The following SOD2 variants were observed in gnomAD, a reference collection of about 807,000 sequenced individuals.
The protein encoded by SOD2 is superoxide dismutase [Mn], mitochondrial.
In SOD2, 11 loss-of-function variants were observed where a neutral mutation model predicts 27.0. That is an observed-to-expected ratio of 0.41 (90% confidence interval 0.26 to 0.67). The LOEUF is 0.67. Ranked by LOEUF, SOD2 falls within the 30% of genes least tolerant of loss-of-function variation. The pLI is 0.34. For synonymous variants in SOD2, 105 were observed against 103.0 expected (o/e 1.02, Z -0.12); for missense variants, 250 against 274.5 (o/e 0.91, Z 0.63).
At chr6:159,710,763 C>G (rs894514359) in intron 1 of SOD2, among the ~76,000 whole-genome samples, 4 of 141,914 alleles carry the variant, frequency 2.8e-5, no homozygotes, top group Non-Finnish European at 4.7e-5. Context: ...TCATACTGCT[C>G]TGACCTCCAT....
intron 3 of SOD2, 39 bp downstream of exon 3, chr6:159,688,087 G>A (rs1780275577): frequency 9.2e-7 from 1 of 1,087,790 alleles, no homozygotes; most frequent in Non-Finnish European, 1.4e-6. Flanking sequence ...TTCCTACTGT[G>A]CACAAAATGT....
intron 1 of SOD2, among the ~76,000 whole-genome samples, chr6:159,715,668 G>A (rs1777911164): frequency 6.6e-6 from 1 of 152,204 alleles, no homozygotes; most frequent in Non-Finnish European, 1.5e-5. Flanking sequence ...GGGAGGTCAA[G>A]GTGGGAGAAT....
At chr6:159,727,245 C>A (rs565403905) in exon 1 of SOD2, 247 of 1,281,922 alleles carry the variant, frequency 1.9e-4, no homozygotes, top group Non-Finnish European at 2.5e-4. Context: ...CGGGCTAGGC[C>A]GACGGCCTCC....
intron 1 of SOD2, among the ~76,000 whole-genome samples, chr6:159,751,713 A>G (rs1422802466): frequency 6.6e-6 from 1 of 152,226 alleles, no homozygotes; most frequent in African/African-American, 2.4e-5. Context: ...TGAACTCTTC[A>G]GGTATTTTCT....
intron 2 of SOD2, 187 bp from the exon 3 acceptor site, chr6:159,688,429 G>C (rs1780295748): frequency 1.8e-6 from 1 of 541,678 alleles, no homozygotes; most frequent in Non-Finnish European, 3.3e-6. Flanking sequence ...AACAACTGAT[G>C]AAGGACCTAG....
upstream of SOD2, chr6:159,749,225 A>G (rs1340309186): frequency 2.2e-4 from 217 of 985,686 alleles, no homozygotes; most frequent in Non-Finnish European, 2.6e-4. Context: ...TCACAACTAG[A>G]TTGTATAAGG....
rs1206770450 is a variant in SOD2 at position 159,709,909 on chromosome 6, T to C, written c.-115-17046A>G. 6.6e-5 allele frequency among the ~76,000 whole-genome samples: 10 copies of C among 151,972 alleles called. No homozygotes were observed. The East Asian group carries it at 1.7e-3, about 26-fold the overall frequency. ...TAGACTGGATTAAGAAAATGTGGCA[T>C]ATATACACCATGGAATACTATGCAG... On this transcript the variant is annotated intron_variant, in intron 1 of 2. Transcript: ENST00000401980.
intron 1 of SOD2, among the ~76,000 whole-genome samples, chr6:159,699,721 A>G (rs1214576623): frequency 6.6e-6 from 1 of 152,200 alleles, no homozygotes; most frequent in African/African-American, 2.4e-5. Context: ...TCAAGCTACT[A>G]AAGAGTAGCC....
At chr6:159,719,728 T>TTTA (rs1188472930) in intron 1 of SOD2, among the ~76,000 whole-genome samples, 40 of 62,232 alleles carry the variant, frequency 6.4e-4, no homozygotes, top group East Asian at 1.2e-3. Context: ...TTTCTTTTAT[T>TTTA]TTCTTTTTTT....
At chr6:159,733,693 C>T (rs918502476) in intron 1 of SOD2, among the ~76,000 whole-genome samples, 1 of 151,592 alleles carries the variant, frequency 6.6e-6, no homozygotes, top group South Asian at 2.1e-4. Context: ...GTGGGCAGAT[C>T]ACCTGAGGTC....
At chr6:159,712,779 G>T in intron 1 of SOD2, 1 of 502,488 alleles carries the variant, frequency 2.0e-6, no homozygotes, top group Non-Finnish European at 3.9e-6. Flanking sequence ...CCACTCAGCT[G>T]CATAACTAGA....
intron 1 of SOD2, chr6:159,712,985 T>C (rs1777858578): frequency 1.6e-6 from 1 of 628,906 alleles, no homozygotes; most frequent in Non-Finnish European, 2.9e-6. Flanking sequence ...CACTGCATCT[T>C]CGTGAGCAGC....
At chr6:159,737,859 T>A (rs1169623156) in intron 1 of SOD2, among the ~76,000 whole-genome samples, 1 of 152,238 alleles carries the variant, frequency 6.6e-6, no homozygotes, top group East Asian at 1.9e-4. Context: ...GTGAATATAC[T>A]GTTTCTCAAT....
At chr6:159,726,893 C>G (rs1315277242) in intron 1 of SOD2, 3 of 1,289,074 alleles carry the variant, frequency 2.3e-6, no homozygotes, top group African/African-American at 1.5e-5. Flanking sequence ...GGCTCGCCGC[C>G]CACGGCCTCT....
rs1446519550 is a variant in SOD2, at chr6:159,678,558, T to G, written c.*3935A>C. The stretch of plus-strand genomic sequence containing the variant: ...AAAAAATAAATAAATGAAATATCCT[T>G]TACAATAAATTAGTATTGTAACCAA... On this transcript the variant is annotated 3_prime_UTR_variant, in exon 5 of 5. Transcript: ENST00000538183. 2.0e-5 allele frequency: 3 copies of G among 152,154 alleles called. No homozygotes were observed. Among genetic ancestry groups the G allele is most frequent in the Admixed American group, 6.6e-5 (1 of 15,266 alleles). 9.4% of individuals were successfully genotyped at this position (152,154 alleles called of 1,614,324 possible). A position where few individuals can be genotyped will look rare whatever the true frequency, so the allele number is the denominator to read the frequency against.
upstream of SOD2, among the ~76,000 whole-genome samples, chr6:159,731,563 A>T (rs879859730): frequency 6.6e-6 from 1 of 152,264 alleles, no homozygotes; most frequent in East Asian, 1.9e-4. Flanking sequence ...TGTTAGAAAC[A>T]GTCGGGAGGA....
chr6:159,736,417 G>T lies in SOD2; in HGVS notation c.-116+8713C>A, dbSNP rs540460170. On this transcript the variant is annotated intron_variant, in intron 1 of 3. Transcript: ENST00000537657. ...TTGTTTGCTTATTTTTCATTTCTTT[G>T]CCTTTATAACAATAATAGCATTGGA... The T allele has an allele frequency of 6.5e-5, 52 of 799,260 alleles. No individual in the cohort carries two copies. In the East Asian group the frequency reaches 7.1e-4, roughly 11 times the overall value. The allele number at this position is 799,260 out of a possible 1,614,324, so 49.5% of individuals were successfully genotyped here.
upstream of SOD2, among the ~76,000 whole-genome samples, chr6:159,728,603 A>G (rs530600814): frequency 7.2e-5 from 11 of 152,352 alleles, no homozygotes; most frequent in South Asian, 4.1e-4. Context: ...AATTTTGACC[A>G]TTAAGTTTTC....
chr6:159,750,598 C>G (rs1241103249), intron 1 of SOD2, among the ~76,000 whole-genome samples: 1 of 152,182 alleles, frequency 6.6e-6, no homozygotes, highest in African/African-American at 2.4e-5. Context: ...GTGATCATAC[C>G]ATAAACACAG....
Sources: allele counts gnomAD v4.1 joint callset (sites outside exome capture counted in the v4.1 genomes callset), GRCh38; gene constraint gnomAD v4.1.1; transcripts MANE v1.5; gene names NCBI Gene and HGNC (gene_info 2026-07-23, HGNC 2026-07-21).